The following GSN variants were observed in gnomAD, a reference collection of about 807,000 sequenced individuals.
GSN encodes the protein actin-depolymerizing factor.
In GSN, 56 loss-of-function variants were observed where a neutral mutation model predicts 85.7. The ratio of observed to expected loss-of-function variants is 0.65; its 90% CI spans 0.53 to 0.82. The LOEUF is 0.82. Among genes scored for constraint, GSN ranks in the 40% least tolerant of loss-of-function variants. GSN has a pLI of 0.00. For missense variants in GSN, 857 were observed against 979.8 expected (o/e 0.87, Z 1.67); for synonymous variants, 373 against 399.1 (o/e 0.93, Z 0.78).
chr9:121,281,425 C>A (rs2057352954), intron 1 of GSN, 45 bp from the exon 2 acceptor site: 2 of 370,740 alleles, frequency 5.4e-6, no homozygotes, highest in African/African-American at 4.3e-5. Context: ...ACCAGATGAC[C>A]TTGAACTCCC....
At chr9:121,207,923 A>ATGTGTGTGTGTGTGTGTGTGTG (rs59140426) in intron 1 of GSN, 8 of 139,436 alleles carry the variant, frequency 5.7e-5, no homozygotes, top group Admixed American at 7.4e-5. Context: ...TCTGGCTAAT[A>ATGTGTGTGTGTGTGTGTGTGTG]TGTGTGTGTG....
chr9:121,283,301 C>CTTTT (rs56834014), intron 2 of GSN: 5 of 140,554 alleles, frequency 3.6e-5, no homozygotes, highest in Non-Finnish European at 7.9e-5. Flanking sequence ...CTTTCTTTTT[C>CTTTT]TTTTTTTTTT....
At chr9:121,207,822 T>C (rs1160969676) in exon 1 of GSN, 1 of 151,700 alleles carries the variant, frequency 6.6e-6, no homozygotes, top group African/African-American at 2.4e-5. Context: ...TGGCACGATA[T>C]CAGCTCACTG....
chr9:121,254,696 CA>C (rs1301596200), intron 6 of GSN, among the ~76,000 whole-genome samples: 1 of 152,160 alleles, frequency 6.6e-6, no homozygotes, highest in Non-Finnish European at 1.5e-5. Context: ...GCACACGTAG[CA>C]ATATGTTTGT....
chr9:121,264,336 C>G (rs10760166), upstream of GSN, among the ~76,000 whole-genome samples: 57,410 of 151,934 alleles, frequency 0.38, 13,510 homozygotes, highest in East Asian at 0.6. Context: ...ACCTGTGGTC[C>G]CACCTACTTG....
upstream of GSN, chr9:121,267,982 G>C (rs1175231548): frequency 1.3e-5 from 2 of 152,270 alleles, no homozygotes; most frequent in Non-Finnish European, 1.5e-5. Flanking sequence ...CTTCCTGCGA[G>C]GTGAAGCGAG....
At chr9:121,281,700 A>G in intron 2 of GSN, 138 bp downstream of exon 2, 1 of 471,190 alleles carries the variant, frequency 2.1e-6, no homozygotes, top group Non-Finnish European at 4.4e-6. Context: ...AGGTCTTCCT[A>G]ATAAGGCTCA....
At chr9:121,205,119 TGAA>T (rs371142615), upstream of GSN, among the ~76,000 whole-genome samples, 129 of 119,786 alleles carry the variant, frequency 1.1e-3, 1 homozygote, top group African/African-American at 2.5e-3. Context: ...GAGCAGTTGT[TGAA>T]GAAGTCAGCT....
intron 4 of GSN, chr9:121,308,485 G>A (rs998330894): frequency 2.0e-5 from 3 of 152,198 alleles, no homozygotes; most frequent in Non-Finnish European, 4.4e-5. Flanking sequence ...TTCGAGACCA[G>A]CCTGGCCAAC....
At chr9:121,221,891 G>A (rs58718027) in intron 4 of GSN, among the ~76,000 whole-genome samples, 3,304 of 152,240 alleles carry the variant, frequency 0.022, 125 homozygotes, top group African/African-American at 0.076. Context: ...GCCTAAGTGC[G>A]TTATGTCAGA....
At position 121,261,552 on chromosome 9, in the gene GSN, G is replaced by A. The variant is rs963683490; in HGVS notation, c.-340-3602G>A. ...CTCGATCTATGAACTGGGAGTGAGA[G>A]TAGTTCCAATCTGAGAAATTTTCGT... On this transcript the variant is annotated intron_variant, in intron 6 of 24. Transcript: ENST00000373823. The surrounding 1 kb of genome is among the most constrained non-coding windows in gnomAD (Gnocchi z 4.1). Among the ~76,000 whole-genome samples the A allele has an allele frequency of 2.6e-5, 4 of 152,250 alleles. No homozygotes were observed. The highest frequency in any genetic ancestry group is 5.9e-5 in the Non-Finnish European group (4 of 68,042).
At chr9:121,301,625 CAAAAAAAAAA>C (rs753963979) in intron 2 of GSN, among the ~76,000 whole-genome samples, 3 of 56,002 alleles carry the variant, frequency 5.4e-5, no homozygotes, top group Non-Finnish European at 8.6e-5. Context: ...GACTCTGTCT[CAAAAAAAAAA>C]AAAAAAAAAG....
intron 1 of GSN, among the ~76,000 whole-genome samples, chr9:121,275,214 C>T (rs1345510518): frequency 4.6e-5 from 7 of 152,166 alleles, no homozygotes; most frequent in Admixed American, 3.3e-4. Context: ...GATCCCAGGC[C>T]GAAGAAGTGG....
chr9:121,253,253 A>G (rs942772882), intron 6 of GSN, among the ~76,000 whole-genome samples: 1 of 152,266 alleles, frequency 6.6e-6, no homozygotes, highest in African/African-American at 2.4e-5. Context: ...AGTCCGTTGC[A>G]TAACCCTTGA....
intron 2 of GSN, chr9:121,286,499 C>G (rs1279926755): frequency 9.0e-7 from 1 of 1,110,916 alleles, no homozygotes; most frequent in Non-Finnish European, 1.2e-6. Context: ...GTTGTTCCCA[C>G]CTTCCCAAAA....
rs777202101 is a variant in GSN at position 121,299,630 on chromosome 9, A to G, written c.-9-2333A>G. 1.1e-5 allele frequency: 5 copies of G among 474,682 alleles called. No homozygotes were observed. In the East Asian group the frequency reaches 4.6e-4, roughly 44 times the overall value. The allele number at this position is 474,682 out of a possible 1,614,324, so 29.4% of individuals were successfully genotyped here. ...TGTGCACACAGCTAGCGCCCGCCGTATGTCAGGCCTGGTGCTGGGTCTCCG... is the reference window on the plus strand; with the variant it reads ...TGTGCACACAGCTAGCGCCCGCCGTGTGTCAGGCCTGGTGCTGGGTCTCCG... On this transcript the variant is annotated intron_variant, in intron 2 of 17. Transcript: ENST00000432226. This position sits in a 1 kb window ranked among gnomAD's most constrained non-coding sequence, Gnocchi z 4.2.
In GSN at chr9:121,332,303, G is replaced by T. The variant is rs1260486414; in HGVS notation, c.2027-131G>T. The T allele has an allele frequency of 2.3e-6, 2 of 856,238 alleles. No individual in the cohort carries two copies. Among genetic ancestry groups the T allele is most frequent in the Non-Finnish European group, 2.0e-6 (1 of 497,200 alleles). 53.0% of individuals were successfully genotyped at this position (856,238 alleles called of 1,614,324 possible). A position where few individuals can be genotyped will look rare whatever the true frequency, so the allele number is the denominator to read the frequency against. Reference sequence around the variant, plus strand: ...TAAAGGAGGATGGTGCCCAGGGCAGGGGGTGGGCAGTAGGGACAGTAGGAC... The same window carrying T: ...TAAAGGAGGATGGTGCCCAGGGCAGTGGGTGGGCAGTAGGGACAGTAGGAC... On this transcript the variant is annotated intron_variant, in intron 17 of 17. Coordinates refer to ENST00000432226, the MANE Select transcript of GSN (RefSeq NM_198252.3). This position sits in a 1 kb window ranked among gnomAD's most constrained non-coding sequence, Gnocchi z 4.8.
At chr9:121,205,000 T>G (rs1418265830), upstream of GSN, among the ~76,000 whole-genome samples, 1 of 152,248 alleles carries the variant, frequency 6.6e-6, no homozygotes, top group Non-Finnish European at 1.5e-5. Flanking sequence ...GTCCTGGATC[T>G]GTTGCTGAAG....
chr9:121,203,673 G>A (rs373698586), upstream of GSN, among the ~76,000 whole-genome samples: 68 of 152,296 alleles, frequency 4.5e-4, 1 homozygote, highest in African/African-American at 1.5e-3. Context: ...CAGAGACCTG[G>A]GTTCGAATTC....
Sources: gnomAD v4.1 joint callset for allele counts (sites outside exome capture counted in the v4.1 genomes callset) on GRCh38, gnomAD v4.1.1 for gene constraint, Gnocchi (gnomAD v3.1) non-coding constraint, MANE v1.5 for transcripts, NCBI Gene and HGNC (gene_info 2026-07-23, HGNC 2026-07-21) for gene names.